DGKB: variants seen among roughly 807,000 people sequenced by gnomAD.
DGKB encodes the protein diacylglycerol kinase beta, also known as 90 kDa diacylglycerol kinase.
DGKB carries 67 observed loss-of-function variants against 114.3 expected under a neutral mutation model. That is an observed-to-expected ratio of 0.59 (90% CI 0.48 to 0.72). The LOEUF is 0.72. Ranked by LOEUF, DGKB falls within the 30% of genes least tolerant of loss-of-function variation. DGKB has a pLI of 0.00. For missense variants in DGKB, 907 were observed against 975.2 expected, an observed-to-expected ratio of 0.93 and a Z score of 0.93; for synonymous variants, 398 against 323.1, an observed-to-expected ratio of 1.23 and a Z score of -2.49.
At chr7:14,563,823 T>C (rs941566011) in intron 20 of DGKB, among the ~76,000 whole-genome samples, 1 of 152,170 alleles carries the variant, frequency 6.6e-6, no homozygotes, top group African/African-American at 2.4e-5. Flanking sequence ...CCCCAACAAC[T>C]AGCCAGGTGA....
intron 1 of DGKB, among the ~76,000 whole-genome samples, chr7:14,929,302 T>A (rs1448906523): frequency 6.6e-6 from 1 of 152,052 alleles, no homozygotes; most frequent in Non-Finnish European, 1.5e-5. Flanking sequence ...AATTGAGAAA[T>A]CTCCACACTG....
At chr7:14,230,638 T>C (rs17167987) in intron 23 of DGKB, among the ~76,000 whole-genome samples, 34,572 of 151,910 alleles carry the variant, frequency 0.23, 4,009 homozygotes, top group Middle Eastern at 0.32. Context: ...ACTCTATAGA[T>C]TCAAACATAC....
chr7:14,922,259 T>C (rs1454972906), intron 1 of DGKB, among the ~76,000 whole-genome samples: 1 of 151,876 alleles, frequency 6.6e-6, no homozygotes, highest in Non-Finnish European at 1.5e-5. Context: ...GGAGAGTAGG[T>C]GATTAATTTA....
intron 23 of DGKB, among the ~76,000 whole-genome samples, chr7:14,331,406 C>T (rs1013598687): frequency 2.6e-5 from 4 of 151,776 alleles, no homozygotes; most frequent in East Asian, 1.9e-4. Context: ...GGTGTTTGAA[C>T]GCCAAATACA....
chr7:14,463,229 T>C (rs940830031), intron 21 of DGKB, among the ~76,000 whole-genome samples: 9 of 151,886 alleles, frequency 5.9e-5, no homozygotes, highest in South Asian at 2.1e-4. Flanking sequence ...ACATCACATA[T>C]TGGGGCCTGT....
At chr7:14,859,433 C>T (rs1427462889) in intron 1 of DGKB, among the ~76,000 whole-genome samples, 1 of 151,908 alleles carries the variant, frequency 6.6e-6, no homozygotes, top group Admixed American at 6.6e-5. Context: ...ATAGGTGAGT[C>T]AGAAAGAAGA....
At chr7:14,352,206 C>T (rs560787639) in intron 21 of DGKB, among the ~76,000 whole-genome samples, 14 of 152,092 alleles carry the variant, frequency 9.2e-5, no homozygotes, top group East Asian at 7.7e-4. Flanking sequence ...ATTCTAAAAC[C>T]GTAATTTTTA....
At chr7:14,344,326 T>G (rs1318702249) in intron 22 of DGKB, among the ~76,000 whole-genome samples, 1 of 151,546 alleles carries the variant, frequency 6.6e-6, no homozygotes, top group Non-Finnish European at 1.5e-5. Context: ...AAGGTTACAC[T>G]GAGAGTAGTA....
At chr7:14,470,538 T>A (rs1023311538) in intron 21 of DGKB, among the ~76,000 whole-genome samples, 1 of 151,874 alleles carries the variant, frequency 6.6e-6, no homozygotes, top group East Asian at 1.9e-4. Flanking sequence ...AAATCAATTG[T>A]ACTCCTGAAA....
chr7:14,673,896 A>C (rs1819419648), intron 12 of DGKB, among the ~76,000 whole-genome samples: 1 of 152,148 alleles, frequency 6.6e-6, no homozygotes, highest in African/African-American at 2.4e-5. Context: ...CATTTCAATA[A>C]GATAACATGT....
chr7:14,435,149 C>G (rs1829051554), intron 21 of DGKB, among the ~76,000 whole-genome samples: 1 of 152,142 alleles, frequency 6.6e-6, no homozygotes, highest in South Asian at 2.1e-4. Flanking sequence ...CTCTCAACCT[C>G]TACCTAAATT....
chr7:14,562,637 G>A (rs1215167936), intron 20 of DGKB, among the ~76,000 whole-genome samples: 1 of 152,162 alleles, frequency 6.6e-6, no homozygotes, highest in African/African-American at 2.4e-5. Context: ...AAGGTTTAAT[G>A]ACTGCCCTAT....
At chr7:14,669,634 A>G (rs1013178228) in intron 13 of DGKB, among the ~76,000 whole-genome samples, 7 of 152,218 alleles carry the variant, frequency 4.6e-5, no homozygotes, top group African/African-American at 1.7e-4. Context: ...TTTAAGGCAT[A>G]TGATTACTGT....
chr7:14,419,299 G>A (rs1306445998), intron 21 of DGKB, among the ~76,000 whole-genome samples: 1 of 151,834 alleles, frequency 6.6e-6, no homozygotes, highest in Non-Finnish European at 1.5e-5. Context: ...ATTTAGAGTA[G>A]AAACTATAAA....
chr7:14,815,847 G>A (rs535284371), intron 2 of DGKB, among the ~76,000 whole-genome samples: 1 of 152,256 alleles, frequency 6.6e-6, no homozygotes, highest in South Asian at 2.1e-4. Context: ...GAACACACTG[G>A]GGGAAAGCAT....
chr7:14,372,689 A>C (rs1167455352), intron 21 of DGKB, among the ~76,000 whole-genome samples: 1 of 152,072 alleles, frequency 6.6e-6, no homozygotes, highest in African/African-American at 2.4e-5. Context: ...ATTTATATTT[A>C]TTAATCTATA....
intron 23 of DGKB, among the ~76,000 whole-genome samples, chr7:14,181,756 T>A (rs1017985761): frequency 5.9e-5 from 9 of 152,226 alleles, no homozygotes; most frequent in Admixed American, 5.9e-4. Context: ...AGGAAGACGT[T>A]GCTTTTGTTC....
At chr7:14,922,378 G>GTGTGTA (rs1554345683) in intron 1 of DGKB, among the ~76,000 whole-genome samples, 1 of 45,122 alleles carries the variant, frequency 2.2e-5, no homozygotes, top group Non-Finnish European at 4.8e-5. Flanking sequence ...TATCCATCGT[G>GTGTGTA]TGTGTGTGTG....
intron 4 of DGKB, among the ~76,000 whole-genome samples, chr7:14,738,089 A>G (rs368710540): frequency 6.6e-6 from 1 of 152,238 alleles, no homozygotes; most frequent in East Asian, 1.9e-4. Flanking sequence ...TGGGATCCAA[A>G]TAGTTTCCTT....
Sources: gnomAD v4.1 joint callset for allele counts (sites outside exome capture counted in the v4.1 genomes callset) on GRCh38, gnomAD v4.1.1 for gene constraint, MANE v1.5 for transcripts, NCBI Gene and HGNC (gene_info 2026-07-23, HGNC 2026-07-21) for gene names.